AP1M1: variants seen among roughly 807,000 people sequenced by gnomAD.
The protein encoded by AP1M1 is AP-1 complex subunit mu-1.
In AP1M1, 18 loss-of-function variants were observed where a neutral mutation model predicts 57.1. That is an observed-to-expected ratio of 0.32 (90% CI 0.22 to 0.47). AP1M1 has a LOEUF of 0.47. AP1M1 is among the 20% of genes least tolerant of loss of function. The probability of loss-of-function intolerance (pLI) is 1.00; values close to 1 mark genes in which losing one functional copy is unlikely to be tolerated. For synonymous variants in AP1M1, 241 were observed against 237.9 expected, an observed-to-expected ratio of 1.01 and a Z score of -0.12; for missense variants, 362 against 593.5, an observed-to-expected ratio of 0.61 and a Z score of 4.05.
At position 16,228,989 on chromosome 19, in the gene AP1M1, G is replaced by A; in HGVS notation, c.1047+61G>A. ...CGCCTGTCTCTGCAAGGCAGCCTGG[G>A]TGCCTCAGGACCCCCTGCACCTCAA... is the stretch of plus-strand genomic sequence containing the variant. On this transcript the variant is annotated intron_variant, in intron 9 of 11. Coordinates refer to ENST00000291439, the MANE Select transcript of AP1M1 (RefSeq NM_032493.4). The surrounding 1 kb of genome is among the most constrained non-coding windows in gnomAD (Gnocchi z 5.0). 6.3e-7 allele frequency: 1 copy of A among 1,576,348 alleles called. No individual in the cohort carries two copies. Among genetic ancestry groups the A allele is most frequent in the Non-Finnish European group, 8.7e-7 (1 of 1,153,910 alleles).
chr19:16,220,134 G>C (rs2091537307), intron 5 of AP1M1, among the ~76,000 whole-genome samples: 2 of 152,158 alleles, frequency 1.3e-5, no homozygotes, highest in Admixed American at 1.3e-4. Flanking sequence ...TTAAACATTT[G>C]TTAGAATTCA....
intron 5 of AP1M1, among the ~76,000 whole-genome samples, chr19:16,212,232 G>A (rs10403608): frequency 2.3e-3 from 352 of 152,108 alleles, no homozygotes; most frequent in African/African-American, 8.2e-3. Context: ...GTCTGGTCCA[G>A]GTTTTTTTTG....
Position 16,203,305 on chromosome 19 carries a change from A to T in AP1M1, c.43-154A>T, listed in dbSNP as rs1279451784. On this transcript the variant is annotated intron_variant, in intron 1 of 11. Coordinates refer to ENST00000291439, the MANE Select transcript of AP1M1 (RefSeq NM_032493.4). The surrounding 1 kb of genome is among the most constrained non-coding windows in gnomAD (Gnocchi z 4.6). The stretch of plus-strand genomic sequence containing the variant: ...TCCAGGAATTCCCTGGGGGATGGAG[A>T]TCAGAACGGCCTCAAGTCCTGCTCT... 6.6e-6 allele frequency among the ~76,000 whole-genome samples: 1 copy of T among 152,172 alleles called. No homozygotes were observed. The highest frequency in any genetic ancestry group is 1.9e-4 in the East Asian group (1 of 5,194).
chr19:16,226,931 C>T (rs1365825343), intron 6 of AP1M1, among the ~76,000 whole-genome samples: 1 of 152,194 alleles, frequency 6.6e-6, no homozygotes, highest in Non-Finnish European at 1.5e-5. Context: ...GTGATTCTCG[C>T]TCCCGCCGCC....
In AP1M1 at chr19:16,234,475, G is replaced by T; in HGVS notation, c.*40G>T. ...CAACACCCCGGCCTCGGGGCTCCTG[G>T]TGGCAGCACCAGGGGACACACCTGC... On this transcript the variant is annotated 3_prime_UTR_variant, in exon 12 of 12. Coordinates refer to ENST00000291439, the MANE Select transcript of AP1M1 (RefSeq NM_032493.4). The T allele has an allele frequency of 6.2e-7, 1 of 1,612,374 alleles. No individual in the cohort carries two copies. The highest frequency in any genetic ancestry group is 1.1e-5 in the South Asian group (1 of 90,968).
chr19:16,224,515 C>T (rs1244246740), intron 5 of AP1M1, among the ~76,000 whole-genome samples: 2 of 152,194 alleles, frequency 1.3e-5, no homozygotes, highest in Non-Finnish European at 2.9e-5. Context: ...CTTACACAGC[C>T]GGGCCCTGAG....
intron 5 of AP1M1, among the ~76,000 whole-genome samples, chr19:16,225,878 G>C (rs2091568952): frequency 6.6e-6 from 1 of 152,150 alleles, no homozygotes; most frequent in Non-Finnish European, 1.5e-5. Context: ...AGGAGAAACA[G>C]CTTTCAAGAA....
intron 5 of AP1M1, among the ~76,000 whole-genome samples, chr19:16,213,675 T>A (rs914222387): frequency 4.6e-5 from 7 of 152,152 alleles, no homozygotes; most frequent in African/African-American, 1.4e-4. Flanking sequence ...CTATTTTTAG[T>A]AGAGACGAGG....
chr19:16,228,245 G>T lies in AP1M1; in HGVS notation c.888+37G>T. On this transcript the variant is annotated intron_variant, in intron 8 of 11. Coordinates refer to ENST00000291439, the MANE Select transcript of AP1M1 (RefSeq NM_032493.4). This position sits in a 1 kb window ranked among gnomAD's most constrained non-coding sequence, Gnocchi z 5.0. The stretch of plus-strand genomic sequence containing the variant: ...GAGGCCACCCACTGAGGGCCTTCTG[G>T]TGTCTCTGGCCCGTCCCAGGAGCCT... 1 of 1,606,872 alleles carries T rather than the reference G, an allele frequency of 6.2e-7. No homozygotes were observed.
chr19:16,202,902 GCCAGACTACA>G (rs1188487960), intron 1 of AP1M1: 1 of 154,998 alleles, frequency 6.5e-6, no homozygotes, highest in Non-Finnish European at 1.4e-5. Context: ...TTGAGAAACT[GCCAGACTACA>G]CCAAAGTAGT....
chr19:16,224,831 G>T (rs2091564063), intron 5 of AP1M1, among the ~76,000 whole-genome samples: 1 of 152,028 alleles, frequency 6.6e-6, no homozygotes, highest in Admixed American at 6.5e-5. Context: ...CCAATGCTCG[G>T]GCTCCTGGAG....
At chr19:16,233,102 G>A (rs746056957) in intron 9 of AP1M1, among the ~76,000 whole-genome samples, 10 of 152,162 alleles carry the variant, frequency 6.6e-5, no homozygotes, top group Non-Finnish European at 1.5e-4. Flanking sequence ...GCCCTCCCCT[G>A]CCACGGTCAT....
chr19:16,208,360 C>G, intron 4 of AP1M1: 3 of 468,192 alleles, frequency 6.4e-6, no homozygotes, highest in Non-Finnish European at 1.1e-5. Context: ...GCTTTTCCTG[C>G]TCCTCATCTT....
In AP1M1 at chr19:16,227,616, G is replaced by A. The variant is rs2145137326; in HGVS notation, c.742G>A (p.Glu248Lys). 1 of 1,614,030 alleles carries A rather than the reference G, an allele frequency of 6.2e-7. No individual in the cohort carries two copies. The highest frequency in any genetic ancestry group is 8.5e-7 in the Non-Finnish European group (1 of 1,179,954). The change falls in exon 7 of 12, where the codon GAG becomes AAG. Residue 248 changes from glutamate to lysine, a missense_variant. By Grantham distance (56) the Glu-to-Lys change is moderately conservative (BLOSUM62 1). This residue lies in a region of AP1M1 where 337 missense variants were observed against 511.1 expected (regional missense o/e 0.66). Coordinates refer to ENST00000291439, the MANE Select transcript of AP1M1 (RefSeq NM_032493.4). This position sits in a 1 kb window ranked among gnomAD's most constrained non-coding sequence, Gnocchi z 6.2. ...CCAGTGTGTGCGGCTATCACGCTTC[G>A]AGAATGACCGCACCATCTCCTTCAT... Reference protein sequence around the residue: ...FHQCVRLSRFENDRTISFIPP... With the variant: ...FHQCVRLSRFKNDRTISFIPP...
At chr19:16,222,431 C>A (rs2091550339) in intron 5 of AP1M1, among the ~76,000 whole-genome samples, 1 of 150,656 alleles carries the variant, frequency 6.6e-6, no homozygotes, top group South Asian at 2.1e-4. Flanking sequence ...CCTGGCTGAT[C>A]TAGAACTCCT....
chr19:16,228,270 T>C lies in AP1M1; in HGVS notation c.888+62T>C. 12 of 1,550,150 alleles carry C rather than the reference T, an allele frequency of 7.7e-6. No homozygotes were observed. The South Asian group carries it at 1.3e-4, about 17-fold the overall frequency. On this transcript the variant is annotated intron_variant, in intron 8 of 11. Transcript: ENST00000291439. The surrounding 1 kb of genome is among the most constrained non-coding windows in gnomAD (Gnocchi z 5.0). ...GTGTCTCTGGCCCGTCCCAGGAGCCTAACCGAGGGCTGGGGGTGCCGTAGG... is the reference window on the plus strand; with the variant it reads ...GTGTCTCTGGCCCGTCCCAGGAGCCCAACCGAGGGCTGGGGGTGCCGTAGG...
intron 5 of AP1M1, among the ~76,000 whole-genome samples, chr19:16,215,262 A>ACCAGCCTG (rs1412312328): frequency 8.6e-6 from 1 of 115,668 alleles, no homozygotes; most frequent in Non-Finnish European, 1.9e-5. Flanking sequence ...GGAATTCAAG[A>ACCAGCCTG]CCAGCCTGGC....
At chr19:16,231,206 T>A (rs2091594772) in intron 9 of AP1M1, among the ~76,000 whole-genome samples, 1 of 146,806 alleles carries the variant, frequency 6.8e-6, no homozygotes, top group Non-Finnish European at 1.5e-5. Context: ...GAGAATGGTG[T>A]GAACTCGGGA....
rs567510573 is a variant in AP1M1, at chr19:16,227,805, C to T, written c.816+115C>T. The T allele has an allele frequency of 2.6e-5, 35 of 1,334,696 alleles. No individual in the cohort carries two copies. In the African/African-American group the frequency reaches 4.4e-4, roughly 17 times the overall value. The allele number at this position is 1,334,696 out of a possible 1,614,324, so 82.7% of individuals were successfully genotyped here. Reference sequence around the variant, plus strand: ...GCCCCACCCCACGCTCCATGAGCTGCCTGGCTCTGCAGAGATGGAGTCTGA... The same window carrying T: ...GCCCCACCCCACGCTCCATGAGCTGTCTGGCTCTGCAGAGATGGAGTCTGA... On this transcript the variant is annotated intron_variant, in intron 7 of 11. Transcript: ENST00000291439. This position sits in a 1 kb window ranked among gnomAD's most constrained non-coding sequence, Gnocchi z 6.2.
Sources: allele counts gnomAD v4.1 joint callset (sites outside exome capture counted in the v4.1 genomes callset), GRCh38; gene constraint gnomAD v4.1.1; regional missense constraint gnomAD v4.1.1; non-coding constraint Gnocchi (gnomAD v3.1); transcripts MANE v1.5; gene names NCBI Gene and HGNC (gene_info 2026-07-23, HGNC 2026-07-21).